PTK2: variants seen among roughly 807,000 people sequenced by gnomAD.
The protein encoded by PTK2 is protein tyrosine kinase 2, also known as focal adhesion kinase 1.
A neutral mutation model predicts 150.1 loss-of-function variants in PTK2; 45 were observed. The observed-to-expected ratio is 0.30, with a 90% CI of 0.24 to 0.38. The LOEUF (loss-of-function observed/expected upper bound fraction) is 0.38, where lower values mean the gene tolerates loss of function less well. Among genes scored for constraint, PTK2 ranks in the 10% least tolerant of loss-of-function variants. PTK2 has a pLI of 1.00. For synonymous variants in PTK2, 432 were observed against 449.2 expected (o/e 0.96, Z 0.48); for missense variants, 919 against 1,307.3 (o/e 0.70, Z 4.58).
At position 140,710,532 on chromosome 8, in the gene PTK2, G is replaced by A. The variant is rs140894598; in HGVS notation, c.2143-4327C>T. The stretch of plus-strand genomic sequence containing the variant: ...AAAAATACAAAAAAATTAGCCAGGC[G>A]TGGTGGCACACTCCTGTAATCCCAG... On this transcript the variant is annotated intron_variant, in intron 23 of 31. Transcript: ENST00000522684. Among the ~76,000 whole-genome samples the A allele has an allele frequency of 4.9e-3, 741 of 152,044 alleles. 4 individuals carry two copies. The highest frequency in any genetic ancestry group is 0.017 in the African/African-American group (708 of 41,458).
At position 140,669,708 on chromosome 8, in the gene PTK2, A is replaced by G. The variant is rs2153087142; in HGVS notation, c.2710-1284T>C. On this transcript the variant is annotated intron_variant, in intron 29 of 31. Coordinates refer to ENST00000522684, the Ensembl canonical transcript of PTK2. ...GATAGAGAGAGCTGGACAGACACAC[A>G]AAGACACGATGTGCTTACCCTCCAT... The G allele has an allele frequency of 6.5e-7, 1 of 1,533,398 alleles. No homozygotes were observed. The highest frequency in any genetic ancestry group is 8.7e-7 in the Non-Finnish European group (1 of 1,144,470). 95.0% of individuals were successfully genotyped at this position (1,533,398 alleles called of 1,614,324 possible). A position where few individuals can be genotyped will look rare whatever the true frequency, so the allele number is the denominator to read the frequency against.
intron 12 of PTK2, among the ~76,000 whole-genome samples, chr8:140,796,692 C>T (rs990147806): frequency 1.3e-5 from 2 of 152,132 alleles, no homozygotes; most frequent in African/African-American, 4.8e-5. Flanking sequence ...GCAACAGACA[C>T]CATCAGTAGA....
rs117792961 is a variant in PTK2 at position 140,749,513 on chromosome 8, T to C, written c.1418-2653A>G. Reference sequence around the variant, plus strand: ...CACATAGAATAGTTTCCCTTGTTATTTACCCATCTGGGGCAGAAAGCTAAG... The same window carrying C: ...CACATAGAATAGTTTCCCTTGTTATCTACCCATCTGGGGCAGAAAGCTAAG... On this transcript the variant is annotated intron_variant, in intron 17 of 31. Transcript: ENST00000522684. 6.1e-3 allele frequency among the ~76,000 whole-genome samples: 930 copies of C among 152,316 alleles called. 6 individuals are homozygous for C. The highest frequency in any genetic ancestry group is 9.4e-3 in the Non-Finnish European group (641 of 68,036).
intron 3 of PTK2, among the ~76,000 whole-genome samples, chr8:140,889,292 C>T (rs1034020766): frequency 6.6e-6 from 1 of 152,064 alleles, no homozygotes; most frequent in Non-Finnish European, 1.5e-5. Context: ...TGCAGTGGCA[C>T]GATCTCAGCT....
chr8:140,837,746 C>CA (rs961686065), intron 7 of PTK2, among the ~76,000 whole-genome samples: 2 of 145,780 alleles, frequency 1.4e-5, no homozygotes, highest in Admixed American at 6.9e-5. Flanking sequence ...CAAACAAAAA[C>CA]AAAAAAAGTC....
intron 14 of PTK2, among the ~76,000 whole-genome samples, chr8:140,771,773 A>G (rs1410175347): frequency 2.0e-5 from 3 of 149,624 alleles, no homozygotes; most frequent in Non-Finnish European, 4.4e-5. Context: ...CTTTGATCCT[A>G]TTAACATTTT....
chr8:140,723,801 A>T (rs1447878448), intron 22 of PTK2, among the ~76,000 whole-genome samples: 2 of 152,238 alleles, frequency 1.3e-5, no homozygotes, highest in Non-Finnish European at 2.9e-5. Context: ...TTATTGATCC[A>T]CGTGCACCAC....
At chr8:140,777,913 A>G (rs1226238801) in intron 14 of PTK2, among the ~76,000 whole-genome samples, 1 of 152,122 alleles carries the variant, frequency 6.6e-6, no homozygotes, top group Non-Finnish European at 1.5e-5. Context: ...CTTATACCCA[A>G]TCACTTTTTC....
At chr8:140,746,082 A>T (rs544883167) in intron 18 of PTK2, among the ~76,000 whole-genome samples, 65 of 152,314 alleles carry the variant, frequency 4.3e-4, no homozygotes, top group African/African-American at 1.6e-3. Flanking sequence ...AGGTAATCAG[A>T]ACACTTTGCG....
intron 26 of PTK2, among the ~76,000 whole-genome samples, chr8:140,695,770 G>A (rs1286574052): frequency 6.6e-6 from 1 of 152,146 alleles, no homozygotes; most frequent in Non-Finnish European, 1.5e-5. Flanking sequence ...TAAGTAATCA[G>A]AGAGTGACCT....
intron 7 of PTK2, among the ~76,000 whole-genome samples, chr8:140,842,165 T>C (rs897248209): frequency 6.6e-6 from 1 of 152,094 alleles, no homozygotes; most frequent in Non-Finnish European, 1.5e-5. Context: ...AAAACTATGA[T>C]GGTGGTTATC....
chr8:140,898,490 A>G (rs1023702382), intron 2 of PTK2, among the ~76,000 whole-genome samples: 1 of 152,224 alleles, frequency 6.6e-6, no homozygotes, highest in Non-Finnish European at 1.5e-5. Flanking sequence ...TAATTAACAT[A>G]GGAAACATAT....
intron 26 of PTK2, among the ~76,000 whole-genome samples, chr8:140,698,676 G>A (rs1396376045): frequency 2.0e-5 from 3 of 151,710 alleles, no homozygotes; most frequent in Admixed American, 1.3e-4. Flanking sequence ...AGTACACTGC[G>A]CCATCTTGGC....
chr8:140,708,160 G>C lies in PTK2; in HGVS notation c.2143-1955C>G, dbSNP rs1167044050. ...AGCCAAATTAAGTACAGAATAAAAGGAAATAGATTTAAGTTCCAACAAGCT... is the reference window on the plus strand; with the variant it reads ...AGCCAAATTAAGTACAGAATAAAAGCAAATAGATTTAAGTTCCAACAAGCT... On this transcript the variant is annotated intron_variant, in intron 23 of 31. Coordinates refer to ENST00000522684, the Ensembl canonical transcript of PTK2. 3.3e-5 allele frequency among the ~76,000 whole-genome samples: 5 copies of C among 152,256 alleles called. No individual in the cohort carries two copies. The East Asian group carries it at 9.6e-4, about 29-fold the overall frequency.
chr8:140,893,341 T>C (rs2154607470), intron 2 of PTK2, among the ~76,000 whole-genome samples: 1 of 152,262 alleles, frequency 6.6e-6, no homozygotes, highest in Non-Finnish European at 1.5e-5. Flanking sequence ...CACATGTGAA[T>C]GGTCACAGCA....
intron 1 of PTK2, among the ~76,000 whole-genome samples, chr8:141,000,087 T>TCACTCACACA (rs1555522724): frequency 3.7e-5 from 3 of 81,650 alleles, no homozygotes; most frequent in African/African-American, 2.1e-4. Flanking sequence ...TGAAACCAAT[T>TCACTCACACA]CACACACACA....
chr8:140,833,126 AG>A, intron 7 of PTK2: 1 of 507,134 alleles, frequency 2.0e-6, no homozygotes, highest in East Asian at 5.5e-5. Context: ...TTGAAAATAA[AG>A]ACGAATACTA....
At chr8:140,914,362 A>T (rs912340720) in intron 2 of PTK2, among the ~76,000 whole-genome samples, 21 of 152,126 alleles carry the variant, frequency 1.4e-4, no homozygotes, top group African/African-American at 4.1e-4. Context: ...GAAATCAAAG[A>T]TTTGTGAACA....
chr8:140,832,923 AG>A (rs753513577), intron 7 of PTK2: 1 of 519,034 alleles, frequency 1.9e-6, no homozygotes, highest in Admixed American at 1.9e-5. Context: ...GGGAAAGACC[AG>A]GGCAGGGAAT....
Sources: gnomAD v4.1 joint callset for allele counts (sites outside exome capture counted in the v4.1 genomes callset) on GRCh38, gnomAD v4.1.1 for gene constraint, MANE v1.5 for transcripts, NCBI Gene and HGNC (gene_info 2026-07-23, HGNC 2026-07-21) for gene names.